Variants in ATP11C observed in about 807,000 individuals in gnomAD.
ATP11C encodes phospholipid-transporting ATPase IG.
A neutral mutation model predicts 97.4 loss-of-function variants in ATP11C; 36 were observed. The ratio of observed to expected loss-of-function variants is 0.37; its 90% CI spans 0.28 to 0.49. ATP11C has a LOEUF of 0.49. ATP11C is among the 20% of genes least tolerant of loss of function. The pLI is 0.98. For missense variants in ATP11C, 730 were observed against 824.6 expected, an observed-to-expected ratio of 0.89 and a Z score of 1.40; for synonymous variants, 275 against 290.9, an observed-to-expected ratio of 0.95 and a Z score of 0.56.
chrX:139,798,283 C>G lies in ATP11C; in HGVS notation c.847G>C (p.Ala283Pro). Residue 283 changes from alanine to proline, a missense_variant, in exon 10 of 30, where the codon GCT (alanine) becomes CCT (proline). By Grantham distance (27) the Ala-to-Pro change is conservative. Coordinates refer to ENST00000682941, the MANE Select transcript of ATP11C (RefSeq NM_001353812.2). ...NYQGKSQKRS[A>P]VEKSINAFLI... ...GTGGCGCATACTAACTTTTCAACAG[C>G]AGAACGTTTCTGAGATTTCCCTTGG... The G allele has an allele frequency of 1.7e-6, 2 of 1,205,305 alleles. No individual in the cohort carries two copies. Among genetic ancestry groups the G allele is most frequent in the Non-Finnish European group, 2.2e-6 (2 of 892,560 alleles).
intron 22 of ATP11C, among the ~76,000 whole-genome samples, chrX:139,758,953 A>G (rs758177981): frequency 8.9e-6 from 1 of 112,388 alleles, no homozygotes; most frequent in African/African-American, 3.2e-5. Flanking sequence ...GCTCTGGAGG[A>G]TGTTTCTAAA....
At chrX:139,822,762 G>C (rs1006003205) in intron 2 of ATP11C, among the ~76,000 whole-genome samples, 2 of 107,193 alleles carry the variant, frequency 1.9e-5, no homozygotes, top group African/African-American at 6.8e-5. Flanking sequence ...AACCATCTCC[G>C]AGGCTGGTCT....
Position 139,790,466 on chromosome X carries a change from A to T in ATP11C, c.1207-978T>A, listed in dbSNP as rs199913824. 3.0e-4 allele frequency among the ~76,000 whole-genome samples: 21 copies of T among 69,980 alleles called. No individual in the cohort carries two copies. In the East Asian group the frequency reaches 6.4e-3, roughly 21 times the overall value. The allele number at this position is 69,980 out of a possible 115,157, so 60.8% of individuals were successfully genotyped here. A position where few individuals can be genotyped will look rare whatever the true frequency, so the allele number is the denominator to read the frequency against. ...TTATTTCTCTCTCTCTCTCTCACTCACACACACACACACACACACACACAC... is the reference window on the plus strand; with the variant it reads ...TTATTTCTCTCTCTCTCTCTCACTCTCACACACACACACACACACACACAC... On this transcript the variant is annotated intron_variant, in intron 12 of 29. Transcript: ENST00000682941.
chrX:139,919,824 CAGG>C (rs777810980), intron 1 of ATP11C, among the ~76,000 whole-genome samples: 3 of 110,205 alleles, frequency 2.7e-5, no homozygotes, highest in African/African-American at 9.9e-5. Flanking sequence ...GAGGCTGAGG[CAGG>C]AGAATTGCTT....
At chrX:139,806,398 A>G (rs1389857795) in intron 5 of ATP11C, among the ~76,000 whole-genome samples, 1 of 111,957 alleles carries the variant, frequency 8.9e-6, no homozygotes, top group Non-Finnish European at 1.9e-5. Context: ...CTAAAAACAA[A>G]TACGTATTTT....
intron 2 of ATP11C, among the ~76,000 whole-genome samples, chrX:139,819,818 G>C (rs1243452873): frequency 8.9e-6 from 1 of 111,904 alleles, no homozygotes; most frequent in Non-Finnish European, 1.9e-5. Flanking sequence ...AGTTCTATAG[G>C]AGCAGGTTGT....
At chrX:139,732,489 T>C (rs1174350216) in intron 28 of ATP11C, 2 of 364,704 alleles carry the variant, frequency 5.5e-6, no homozygotes, top group African/African-American at 2.6e-5. Context: ...AGCATGAAGA[T>C]AGCAGATGTT....
At chrX:139,800,534 C>A (rs2082905765) in intron 7 of ATP11C, among the ~76,000 whole-genome samples, 1 of 112,033 alleles carries the variant, frequency 8.9e-6, no homozygotes, top group Non-Finnish European at 1.9e-5. Context: ...ATCAGAATCA[C>A]TGGAGCGCTA....
chrX:139,899,184 C>T (rs2084855862), intron 1 of ATP11C, among the ~76,000 whole-genome samples: 1 of 111,114 alleles, frequency 9.0e-6, no homozygotes, highest in South Asian at 3.8e-4. Flanking sequence ...GACATGATGA[C>T]TAAATGTAAT....
intron 23 of ATP11C, among the ~76,000 whole-genome samples, chrX:139,752,971 A>G (rs185669416): frequency 9.4e-4 from 105 of 111,970 alleles, no homozygotes; most frequent in Non-Finnish European, 1.7e-3. Context: ...CAAGAGAAAG[A>G]GACCAGTCAT....
intron 29 of ATP11C, among the ~76,000 whole-genome samples, chrX:139,730,604 G>A (rs2081322217): frequency 9.0e-6 from 1 of 110,814 alleles, no homozygotes; most frequent in African/African-American, 3.3e-5. Flanking sequence ...GTTGACAGCT[G>A]TTGAAAAAAA....
chrX:139,886,167 T>C (rs1355343777), intron 1 of ATP11C, among the ~76,000 whole-genome samples: 5 of 111,835 alleles, frequency 4.5e-5, no homozygotes, highest in Non-Finnish European at 9.4e-5. Context: ...TAGATATAAT[T>C]AGTGACTGGC....
Position 139,930,576 on chromosome X carries a change from C to A in ATP11C, c.27+1440G>T, listed in dbSNP as rs191527630. ...GTGAAACAGCTATTAAGAACAATAC[C>A]CGCTTGCATTCTCAGGCTAAATGTG... is the stretch of plus-strand genomic sequence containing the variant. On this transcript the variant is annotated intron_variant, in intron 1 of 29. Transcript: ENST00000682941. 3.3e-3 allele frequency among the ~76,000 whole-genome samples: 363 copies of A among 111,530 alleles called. 1 individual carries two copies. Among genetic ancestry groups the A allele is most frequent in the Non-Finnish European group, 4.9e-3 (261 of 53,153 alleles).
chrX:139,851,201 C>G (rs1040891739), intron 1 of ATP11C, among the ~76,000 whole-genome samples: 1 of 111,682 alleles, frequency 9.0e-6, no homozygotes, highest in African/African-American at 3.3e-5. Flanking sequence ...GCTATCTGCC[C>G]AGAGTCTCTC....
intron 1 of ATP11C, among the ~76,000 whole-genome samples, chrX:139,901,155 C>G (rs1274539779): frequency 1.8e-5 from 2 of 111,759 alleles, no homozygotes; most frequent in African/African-American, 3.3e-5. Flanking sequence ...TACACTCAGA[C>G]AAGAGGGCCA....
At chrX:139,896,589 ACAC>A (rs1367692689) in intron 1 of ATP11C, among the ~76,000 whole-genome samples, 1 of 97,624 alleles carries the variant, frequency 1.0e-5, no homozygotes, top group Non-Finnish European at 2.0e-5. Context: ...ACACACACAC[ACAC>A]ACTTTTTTTC....
intron 1 of ATP11C, among the ~76,000 whole-genome samples, chrX:139,921,174 C>T (rs1021311807): frequency 9.0e-6 from 1 of 111,476 alleles, no homozygotes; most frequent in Admixed American, 9.6e-5. Flanking sequence ...ACTGACTAAG[C>T]ATGGTGTCGT....
chrX:139,829,587 G>T (rs1351821780), intron 1 of ATP11C, among the ~76,000 whole-genome samples: 2 of 111,257 alleles, frequency 1.8e-5, no homozygotes, highest in Non-Finnish European at 3.8e-5. Context: ...GTAATGAATT[G>T]TAATTCATTA....
chrX:139,878,478 T>A (rs2084512188), intron 1 of ATP11C, among the ~76,000 whole-genome samples: 1 of 112,266 alleles, frequency 8.9e-6, no homozygotes, highest in South Asian at 3.6e-4. Flanking sequence ...ATATTTTTGT[T>A]GATTCTGAAG....
Sources: allele counts gnomAD v4.1 joint callset (sites outside exome capture counted in the v4.1 genomes callset), GRCh38; gene constraint gnomAD v4.1.1; transcripts MANE v1.5; gene names NCBI Gene and HGNC (gene_info 2026-07-23, HGNC 2026-07-21).